The following TAS2R1 variants were observed in gnomAD, a reference collection of about 807,000 sequenced individuals.
The protein encoded by TAS2R1 is taste receptor type 2 member 1.
For synonymous variants in TAS2R1, 141 were observed against 134.2 expected, an observed-to-expected ratio of 1.05 and a Z score of -0.35; for missense variants, 370 against 353.4, an observed-to-expected ratio of 1.05 and a Z score of -0.38.
At chr5:9,676,426 T>C (rs1740876146) in intron 1 of TAS2R1, among the ~76,000 whole-genome samples, 1 of 151,994 alleles carries the variant, frequency 6.6e-6, no homozygotes, top group African/African-American at 2.4e-5. Context: ...GAATTGAATA[T>C]AACAGAAGGC....
the TAS2R1 span, among the ~76,000 whole-genome samples, chr5:9,850,089 C>T: frequency 2.1e-4 from 32 of 152,300 alleles, no homozygotes; most frequent in East Asian, 1.9e-4. Flanking sequence ...TCCACCCTAA[C>T]CACAGGTGCA....
the TAS2R1 span, among the ~76,000 whole-genome samples, chr5:9,772,186 G>C: frequency 2.0e-4 from 30 of 151,970 alleles, no homozygotes; most frequent in African/African-American, 6.5e-4. Flanking sequence ...TATCCCATAG[G>C]TTTTGGTACG....
chr5:9,741,393 T>C, the TAS2R1 span, among the ~76,000 whole-genome samples: 2 of 152,202 alleles, frequency 1.3e-5, no homozygotes, highest in Non-Finnish European at 2.9e-5. Context: ...TGCCAAGACA[T>C]TTTCAAGTGC....
chr5:9,828,618 A>G, the TAS2R1 span, among the ~76,000 whole-genome samples: 1 of 152,248 alleles, frequency 6.6e-6, no homozygotes, highest in Non-Finnish European at 1.5e-5. Context: ...TTTGAAATCA[A>G]CTGCTTTGCA....
chr5:9,891,667 A>G, the TAS2R1 span, among the ~76,000 whole-genome samples: 1 of 152,180 alleles, frequency 6.6e-6, no homozygotes, highest in Non-Finnish European at 1.5e-5. Context: ...CCCCCAGCCC[A>G]CAGTGTTTCC....
chr5:9,857,942 G>A, the TAS2R1 span, among the ~76,000 whole-genome samples: 1 of 152,166 alleles, frequency 6.6e-6, no homozygotes, highest in South Asian at 2.1e-4. Flanking sequence ...CCTGGTGCCT[G>A]GGTCTGCAGG....
At chr5:9,787,982 A>G in the TAS2R1 span, among the ~76,000 whole-genome samples, 1 of 152,220 alleles carries the variant, frequency 6.6e-6, no homozygotes, top group Non-Finnish European at 1.5e-5. Context: ...AATGTGGCAC[A>G]ATCCAGGCGA....
the TAS2R1 span, among the ~76,000 whole-genome samples, chr5:9,749,384 G>A: frequency 8.5e-5 from 13 of 152,234 alleles, no homozygotes; most frequent in South Asian, 6.2e-4. Context: ...CAATAACTCC[G>A]AAAAATTGAC....
At chr5:9,731,030 C>T in the TAS2R1 span, among the ~76,000 whole-genome samples, 15 of 152,182 alleles carry the variant, frequency 9.9e-5, no homozygotes, top group African/African-American at 3.6e-4. Flanking sequence ...AGTGTGAAAA[C>T]AGACTAATAC....
At chr5:9,770,811 G>C in the TAS2R1 span, among the ~76,000 whole-genome samples, 1 of 151,996 alleles carries the variant, frequency 6.6e-6, no homozygotes, top group Non-Finnish European at 1.5e-5. Context: ...GGACTCGTTA[G>C]GTTTTCCCAA....
In TAS2R1 at chr5:9,629,992, A is replaced by G; in HGVS notation, c.41T>C (p.Val14Ala). The change falls in exon 1 of 1, where the codon GTG becomes GCG. Residue 14 changes from valine to alanine, a missense_variant. Val to Ala is a moderately conservative substitution (Grantham distance 64). Coordinates refer to ENST00000382492, the MANE Select transcript of TAS2R1 (RefSeq NM_019599.3). ...GAAAATCCCAAGAAGAAATTGTATC[A>G]CTGCAAGAAGAAAATAGATAATGAG... Reference protein sequence around the residue: ...SHLIIYFLLAVIQFLLGIFTN... With the variant: ...SHLIIYFLLAAIQFLLGIFTN... The G allele has an allele frequency of 6.3e-7, 1 of 1,594,954 alleles. No homozygotes were observed. The highest frequency in any genetic ancestry group is 8.5e-7 in the Non-Finnish European group (1 of 1,173,614).
chr5:9,679,545 C>A (rs993873820), intron 1 of TAS2R1, among the ~76,000 whole-genome samples: 1 of 152,170 alleles, frequency 6.6e-6, no homozygotes, highest in Non-Finnish European at 1.5e-5. Context: ...ACACTGTACT[C>A]TAGTTGATAA....
At chr5:9,810,902 C>T in the TAS2R1 span, among the ~76,000 whole-genome samples, 1 of 152,128 alleles carries the variant, frequency 6.6e-6, no homozygotes, top group African/African-American at 2.4e-5. Flanking sequence ...AGAGAAAGCT[C>T]CTATCTGTCT....
chr5:9,708,775 T>A (rs3105161), intron 1 of TAS2R1, among the ~76,000 whole-genome samples: 1 of 152,016 alleles, frequency 6.6e-6, no homozygotes, highest in Non-Finnish European at 1.5e-5. Context: ...ATGCCCAACC[T>A]GTGCTGACTT....
At chr5:9,851,760 A>C in the TAS2R1 span, among the ~76,000 whole-genome samples, 2 of 152,236 alleles carry the variant, frequency 1.3e-5, no homozygotes, top group Non-Finnish European at 2.9e-5. Context: ...GCTCAGTCTC[A>C]GAAATGGGTT....
upstream of TAS2R1, among the ~76,000 whole-genome samples, chr5:9,717,184 T>C (rs1734830389): frequency 6.6e-6 from 1 of 152,016 alleles, no homozygotes; most frequent in African/African-American, 2.4e-5. Flanking sequence ...AGTCAGGACT[T>C]GGAGATGCAT....
the TAS2R1 span, among the ~76,000 whole-genome samples, chr5:9,730,749 C>T: frequency 6.6e-6 from 1 of 152,090 alleles, no homozygotes; most frequent in East Asian, 1.9e-4. Context: ...TACTGTAGCT[C>T]CCATAATTCC....
chr5:9,799,857 G>A, the TAS2R1 span, among the ~76,000 whole-genome samples: 5 of 152,166 alleles, frequency 3.3e-5, no homozygotes, highest in Non-Finnish European at 7.3e-5. Flanking sequence ...GGCATTTTGA[G>A]GGTATCATAA....
the TAS2R1 span, among the ~76,000 whole-genome samples, chr5:9,885,692 A>T: frequency 6.6e-6 from 1 of 152,248 alleles, no homozygotes; most frequent in Non-Finnish European, 1.5e-5. Context: ...AGAATGAGTT[A>T]ATCAATTAAA....
Sources: gnomAD v4.1 joint callset for allele counts (sites outside exome capture counted in the v4.1 genomes callset) on GRCh38, gnomAD v4.1.1 for gene constraint, MANE v1.5 for transcripts, NCBI Gene and HGNC (gene_info 2026-07-23, HGNC 2026-07-21) for gene names.